CNTNAP5: variants seen among roughly 807,000 people sequenced by gnomAD.
CNTNAP5 encodes the protein contactin associated protein family member 5.
Under a neutral mutation model 150.2 loss-of-function variants are expected in CNTNAP5, and 72 were observed. That is an observed-to-expected ratio of 0.48 (90% CI 0.40 to 0.58). The LOEUF is 0.58. CNTNAP5 is among the 20% of genes least tolerant of loss of function. The pLI, the probability that CNTNAP5 is intolerant of heterozygous loss-of-function variation, is 0.00. For synonymous variants in CNTNAP5, 672 were observed against 619.8 expected, an observed-to-expected ratio of 1.08 and a Z score of -1.25; for missense variants, 1,636 against 1,626.2, an observed-to-expected ratio of 1.01 and a Z score of -0.10.
chr2:124,672,959 C>G (rs1238288873), intron 13 of CNTNAP5, among the ~76,000 whole-genome samples: 1 of 151,748 alleles, frequency 6.6e-6, no homozygotes, highest in Non-Finnish European at 1.5e-5. Context: ...AAAAAAATTA[C>G]CCAGAATGCA....
At chr2:124,233,659 CCTT>C (rs1259980113) in intron 2 of CNTNAP5, among the ~76,000 whole-genome samples, 7 of 151,970 alleles carry the variant, frequency 4.6e-5, no homozygotes, top group Non-Finnish European at 2.9e-5. Context: ...CCCTTTCTCT[CCTT>C]CTCTCTCTCC....
At chr2:124,199,517 G>A (rs1283374308) in intron 1 of CNTNAP5, among the ~76,000 whole-genome samples, 1 of 144,596 alleles carries the variant, frequency 6.9e-6, no homozygotes, top group African/African-American at 2.6e-5. Flanking sequence ...CCAGGTTCAA[G>A]CGATTCTCCT....
chr2:124,782,442 G>A (rs1310074212), intron 17 of CNTNAP5, among the ~76,000 whole-genome samples: 1 of 152,166 alleles, frequency 6.6e-6, no homozygotes, highest in African/African-American at 2.4e-5. Flanking sequence ...GTACTAGAAG[G>A]TCATGTGGAC....
intron 19 of CNTNAP5, among the ~76,000 whole-genome samples, chr2:124,800,672 C>T (rs1457040265): frequency 2.6e-5 from 4 of 152,156 alleles, no homozygotes; most frequent in African/African-American, 7.2e-5. Flanking sequence ...CTACCCTGCC[C>T]CTATCTTTTT....
chr2:124,050,920 A>G (rs890115249), intron 1 of CNTNAP5, among the ~76,000 whole-genome samples: 2 of 152,172 alleles, frequency 1.3e-5, no homozygotes, highest in Non-Finnish European at 2.9e-5. Flanking sequence ...TTAGTCCTGA[A>G]TGAAATAGGC....
At position 124,783,931 on chromosome 2, in the gene CNTNAP5, G is replaced by GTACCA. The variant is rs1681506809; in HGVS notation, c.2753-5971_2753-5970insTACCA. Among the ~76,000 whole-genome samples, 9 of 152,270 alleles carry GTACCA rather than the reference G, an allele frequency of 5.9e-5. No individual in the cohort carries two copies. In the South Asian group the frequency reaches 1.9e-3, roughly 32 times the overall value. The stretch of plus-strand genomic sequence containing the variant: ...ATTTTGAAATTAAAGTCTACAGTAG[G>GTACCA]ATTTCCTCCTGGTACCAAGATTCTG... On this transcript the variant is annotated intron_variant, in intron 17 of 23. Coordinates refer to ENST00000682447, the MANE Select transcript of CNTNAP5 (RefSeq NM_001367498.1).
chr2:124,626,298 G>A (rs1677720732), intron 12 of CNTNAP5, among the ~76,000 whole-genome samples: 1 of 152,100 alleles, frequency 6.6e-6, no homozygotes, highest in Admixed American at 6.5e-5. Context: ...TGGCAGAAAA[G>A]AAACAGCTCT....
At chr2:124,476,202 T>TTTTAGAACCATTTCTATATA (rs1299255219) in intron 7 of CNTNAP5, among the ~76,000 whole-genome samples, 1 of 152,194 alleles carries the variant, frequency 6.6e-6, no homozygotes, top group African/African-American at 2.4e-5. Flanking sequence ...GCAATTATAT[T>TTTTAGAACCATTTCTATATA]TTTAGAACCA....
rs756084592 is a variant in CNTNAP5 at position 124,242,240 on chromosome 2, G to A, written c.228G>A (p.Gln76=). 1 of 1,601,628 alleles carries A rather than the reference G, an allele frequency of 6.2e-7. No homozygotes were observed. The highest frequency in any genetic ancestry group is 1.7e-5 in the Admixed American group (1 of 58,332). Reference sequence around the variant, plus strand: ...CCCCAGCAGATTCCAATGCTCAACAGTGGCTCCAGATGGACCTGGGAAACA... The same window carrying A: ...CCCCAGCAGATTCCAATGCTCAACAATGGCTCCAGATGGACCTGGGAAACA... ...GWSPADSNAQ[Q]WLQMDLGNRV... The change falls in exon 3 of 24, where the codon CAG becomes CAA. Residue 76 remains glutamine, a synonymous_variant. Coordinates refer to ENST00000682447, the MANE Select transcript of CNTNAP5 (RefSeq NM_001367498.1).
chr2:124,910,585 G>A (rs894933005), intron 22 of CNTNAP5, among the ~76,000 whole-genome samples: 1 of 151,966 alleles, frequency 6.6e-6, no homozygotes, highest in Admixed American at 6.6e-5. Context: ...GTAATAGAAA[G>A]ACTCTGAGTG....
chr2:124,918,861 T>C lies in CNTNAP5; in HGVS notation c.*4573T>C, dbSNP rs905850780. On this transcript the variant is annotated 3_prime_UTR_variant, in exon 24 of 24. Coordinates refer to ENST00000682447, the MANE Select transcript of CNTNAP5 (RefSeq NM_001367498.1). The stretch of plus-strand genomic sequence containing the variant: ...TTAATGGAAGAAGATGCAGACAAAC[T>C]CAAAACTTTCAGAAGTCTAGGAGGA... 1.3e-5 allele frequency among the ~76,000 whole-genome samples: 2 copies of C among 152,118 alleles called. No homozygotes were observed. The highest frequency in any genetic ancestry group is 1.5e-5 in the Non-Finnish European group (1 of 67,998).
At chr2:124,884,381 GC>G (rs1389168778) in intron 21 of CNTNAP5, among the ~76,000 whole-genome samples, 1 of 152,046 alleles carries the variant, frequency 6.6e-6, no homozygotes, top group Non-Finnish European at 1.5e-5. Flanking sequence ...CCATGTGTGT[GC>G]CCATGTGTTT....
At chr2:124,190,567 A>G (rs1023261908) in intron 1 of CNTNAP5, among the ~76,000 whole-genome samples, 21 of 152,198 alleles carry the variant, frequency 1.4e-4, no homozygotes, top group African/African-American at 4.3e-4. Flanking sequence ...AAATTTATGT[A>G]GAAAAAGAAA....
intron 1 of CNTNAP5, among the ~76,000 whole-genome samples, chr2:124,058,221 G>A (rs568663009): frequency 6.6e-6 from 1 of 152,192 alleles, no homozygotes; most frequent in African/African-American, 2.4e-5. Flanking sequence ...ATTTGGGAAC[G>A]TGTAACAATA....
chr2:124,220,571 T>G (rs1030482773), intron 1 of CNTNAP5, among the ~76,000 whole-genome samples: 2 of 152,184 alleles, frequency 1.3e-5, no homozygotes, highest in Admixed American at 1.3e-4. Context: ...CATTTTGTAT[T>G]GCTATAACAG....
At chr2:124,429,696 T>G (rs1426280940) in intron 4 of CNTNAP5, among the ~76,000 whole-genome samples, 2 of 152,150 alleles carry the variant, frequency 1.3e-5, no homozygotes, top group African/African-American at 4.8e-5. Context: ...CTGTGCTTAC[T>G]AAAGGCCGTG....
chr2:124,729,171 A>G (rs1680219244), intron 13 of CNTNAP5, among the ~76,000 whole-genome samples: 1 of 152,100 alleles, frequency 6.6e-6, no homozygotes, highest in African/African-American at 2.4e-5. Context: ...AAGAGGAGAC[A>G]CAAACCTTAT....
At chr2:124,793,752 A>G (rs973301850) in intron 18 of CNTNAP5, among the ~76,000 whole-genome samples, 4 of 152,098 alleles carry the variant, frequency 2.6e-5, no homozygotes, top group Non-Finnish European at 5.9e-5. Flanking sequence ...CCTTGTCTCA[A>G]CACCATTTGT....
chr2:124,845,438 A>ATTTT (rs201596844), intron 19 of CNTNAP5, among the ~76,000 whole-genome samples: 2 of 131,312 alleles, frequency 1.5e-5, no homozygotes, highest in Admixed American at 7.6e-5. Flanking sequence ...GGTCTGTAGT[A>ATTTT]TTTTTTTTTT....
Sources: gnomAD v4.1 joint callset for allele counts (sites outside exome capture counted in the v4.1 genomes callset) on GRCh38, gnomAD v4.1.1 for gene constraint, MANE v1.5 for transcripts, NCBI Gene and HGNC (gene_info 2026-07-23, HGNC 2026-07-21) for gene names.